Variants in SLC2A13 observed in about 807,000 individuals in gnomAD.
The protein encoded by SLC2A13 is solute carrier family 2 member 13.
SLC2A13 carries 32 observed loss-of-function variants against 64.4 expected under a neutral mutation model. That is an observed-to-expected ratio of 0.50 (90% CI 0.37 to 0.67). The LOEUF (loss-of-function observed/expected upper bound fraction) is 0.67, where lower values mean the gene tolerates loss of function less well. SLC2A13 is among the 30% of genes least tolerant of loss of function. The pLI is 0.00. For synonymous variants in SLC2A13, 338 were observed against 327.1 expected (o/e 1.03, Z -0.36); for missense variants, 743 against 829.2 (o/e 0.90, Z 1.28).
intron 7 of SLC2A13, among the ~76,000 whole-genome samples, chr12:39,812,996 A>ATTTTTTTT (rs71449493): frequency 0.015 from 599 of 40,600 alleles, 227 homozygotes; most frequent in South Asian, 0.031. Flanking sequence ...TGCCCAGCTA[A>ATTTTTTTT]TTTTTTTTTT....
At chr12:39,794,135 A>AC (rs1197184141) in intron 7 of SLC2A13, among the ~76,000 whole-genome samples, 1 of 151,036 alleles carries the variant, frequency 6.6e-6, no homozygotes, top group African/African-American at 2.4e-5. Flanking sequence ...AAAAAAAAAA[A>AC]AAAAAAAAAA....
intron 3 of SLC2A13, among the ~76,000 whole-genome samples, chr12:39,965,394 A>G (rs1001958048): frequency 1.3e-5 from 2 of 152,158 alleles, no homozygotes; most frequent in African/African-American, 4.8e-5. Flanking sequence ...GTTTTCTGTT[A>G]AAGTCTCCTC....
chr12:39,946,694 G>A (rs1413407164), intron 4 of SLC2A13, among the ~76,000 whole-genome samples: 3 of 152,148 alleles, frequency 2.0e-5, no homozygotes, highest in African/African-American at 4.8e-5. Flanking sequence ...CGGAAGAGCC[G>A]GTCTCACTCC....
At chr12:40,059,637 C>T (rs987319768) in intron 1 of SLC2A13, among the ~76,000 whole-genome samples, 1 of 152,118 alleles carries the variant, frequency 6.6e-6, no homozygotes, top group African/African-American at 2.4e-5. Context: ...CCTGAATGTG[C>T]CACCCTCCAG....
rs1442142763 is a variant in SLC2A13 at position 40,106,027 on chromosome 12, G to A, written c.-219C>T. ...GACGCTGCGGAGTTGGAGCCCGGCG[G>A]GTCTCACTCCACACTCACGCCCCGC... On this transcript the variant is annotated 5_prime_UTR_variant, in exon 1 of 10. Transcript: ENST00000280871. 7 of 470,268 alleles carry A rather than the reference G, an allele frequency of 1.5e-5. No individual in the cohort carries two copies. Among genetic ancestry groups the A allele is most frequent in the East Asian group, 1.2e-4 (3 of 25,642 alleles). 29.1% of individuals were successfully genotyped at this position (470,268 alleles called of 1,614,324 possible). A position where few individuals can be genotyped will look rare whatever the true frequency, so the allele number is the denominator to read the frequency against.
chr12:40,096,447 A>G lies in SLC2A13; in HGVS notation c.556+8806T>C, dbSNP rs184408033. Among the ~76,000 whole-genome samples, 89 of 152,060 alleles carry G rather than the reference A, an allele frequency of 5.9e-4. 1 individual carries two copies. In the East Asian group the frequency reaches 0.016, roughly 27 times the overall value. On this transcript the variant is annotated intron_variant, in intron 1 of 9. Transcript: ENST00000280871. ...TTTCCAATCTGTTGCCTTGCTTTTAAAATCTCTGCTTTGAGGTTTTAAAAA... is the reference window on the plus strand; with the variant it reads ...TTTCCAATCTGTTGCCTTGCTTTTAGAATCTCTGCTTTGAGGTTTTAAAAA...
intron 3 of SLC2A13, among the ~76,000 whole-genome samples, chr12:39,996,231 G>A (rs1947227572): frequency 6.6e-6 from 1 of 152,190 alleles, no homozygotes; most frequent in African/African-American, 2.4e-5. Flanking sequence ...CTGCCCTAGA[G>A]ATTTGTGGAA....
intron 7 of SLC2A13, among the ~76,000 whole-genome samples, chr12:39,819,546 A>G (rs1054752647): frequency 6.6e-5 from 10 of 152,166 alleles, no homozygotes; most frequent in African/African-American, 2.4e-4. Context: ...ACATTCTACA[A>G]TAAATTTTTC....
chr12:39,829,837 G>C (rs1289935628), intron 7 of SLC2A13: 2 of 409,218 alleles, frequency 4.9e-6, no homozygotes, highest in Non-Finnish European at 9.0e-6. Context: ...TTTGTGAATA[G>C]CTGCCTAAAA....
chr12:39,798,042 A>C (rs1015183847), intron 7 of SLC2A13, among the ~76,000 whole-genome samples: 1 of 152,202 alleles, frequency 6.6e-6, no homozygotes, highest in Non-Finnish European at 1.5e-5. Context: ...GATCAAAGAT[A>C]TGATGGTGTC....
intron 3 of SLC2A13, among the ~76,000 whole-genome samples, chr12:39,999,359 G>A (rs1392472490): frequency 6.6e-6 from 1 of 152,170 alleles, no homozygotes; most frequent in Non-Finnish European, 1.5e-5. Flanking sequence ...GGACGTGCAA[G>A]TATGGAAGAT....
chr12:39,990,661 T>C (rs1947119848), intron 3 of SLC2A13, among the ~76,000 whole-genome samples: 1 of 152,176 alleles, frequency 6.6e-6, no homozygotes, highest in South Asian at 2.1e-4. Flanking sequence ...GTTCTAGGGC[T>C]ACGACTAGGT....
intron 4 of SLC2A13, among the ~76,000 whole-genome samples, chr12:39,885,545 C>T (rs1944446194): frequency 6.6e-6 from 1 of 151,986 alleles, no homozygotes; most frequent in Non-Finnish European, 1.5e-5. Context: ...ACTATGAGTT[C>T]CAATTATTAC....
At chr12:39,983,903 A>C (rs1489502369) in intron 3 of SLC2A13, among the ~76,000 whole-genome samples, 3 of 146,862 alleles carry the variant, frequency 2.0e-5, no homozygotes, top group Non-Finnish European at 3.0e-5. Context: ...GGCATTATTC[A>C]CAATAGCAAA....
intron 3 of SLC2A13, among the ~76,000 whole-genome samples, chr12:39,980,855 A>G (rs1382219749): frequency 6.6e-6 from 1 of 151,902 alleles, no homozygotes; most frequent in African/African-American, 2.4e-5. Context: ...CTCCACCCCA[A>G]ATCAACAGAA....
At chr12:39,838,010 T>C (rs1291873763) in intron 6 of SLC2A13, among the ~76,000 whole-genome samples, 1 of 151,278 alleles carries the variant, frequency 6.6e-6, no homozygotes, top group African/African-American at 2.4e-5. Context: ...CAAATGACTA[T>C]AAATCATGCT....
chr12:39,760,263 A>C lies in SLC2A13; in HGVS notation c.1721-11T>G, dbSNP rs1179398446. ...AGAGGAAGAAAGCTCCTGCAACGGA[A>C]TATAATAGATACATGAATATGAATA... is the stretch of plus-strand genomic sequence containing the variant. On this transcript the variant is annotated splice_polypyrimidine_tract_variant and intron_variant, in intron 9 of 9. Coordinates refer to ENST00000280871, the MANE Select transcript of SLC2A13 (RefSeq NM_052885.4). 6.3e-7 allele frequency: 1 copy of C among 1,595,018 alleles called. No individual in the cohort carries two copies. Among genetic ancestry groups the C allele is most frequent in the South Asian group, 1.1e-5 (1 of 89,822 alleles).
intron 9 of SLC2A13, 103 bp downstream of exon 9, chr12:39,764,357 C>T (rs1476275557): frequency 1.0e-4 from 113 of 1,105,664 alleles, no homozygotes; most frequent in Non-Finnish European, 1.2e-4. Flanking sequence ...CTTATAACAG[C>T]AAAATATAAC....
At chr12:40,057,608 A>G (rs1418802502) in intron 1 of SLC2A13, among the ~76,000 whole-genome samples, 1 of 152,064 alleles carries the variant, frequency 6.6e-6, no homozygotes, top group Admixed American at 6.6e-5. Flanking sequence ...CAGTGGTTCT[A>G]TTTTCTTAGT....
Sources: gnomAD v4.1 joint callset for allele counts (sites outside exome capture counted in the v4.1 genomes callset) on GRCh38, gnomAD v4.1.1 for gene constraint, MANE v1.5 for transcripts, NCBI Gene and HGNC (gene_info 2026-07-23, HGNC 2026-07-21) for gene names.